The following CELSR1 variants were observed in gnomAD, a reference collection of about 807,000 sequenced individuals.
CELSR1 encodes the protein cadherin EGF LAG seven-pass G-type receptor 1.
Under a neutral mutation model 249.1 loss-of-function variants are expected in CELSR1, and 110 were observed. The ratio of observed to expected loss-of-function variants is 0.44; its 90% CI spans 0.38 to 0.52. The LOEUF (loss-of-function observed/expected upper bound fraction) is 0.52. Among genes scored for constraint, CELSR1 ranks in the 20% least tolerant of loss-of-function variants. CELSR1 has a pLI of 0.00. For synonymous variants in CELSR1, 2,113 were observed against 1,900.0 expected, an observed-to-expected ratio of 1.11 and a Z score of -2.92; for missense variants, 4,109 against 4,296.4, an observed-to-expected ratio of 0.96 and a Z score of 1.22.
chr22:46,426,596 G>A (rs1028382256), intron 5 of CELSR1, among the ~76,000 whole-genome samples: 5 of 152,156 alleles, frequency 3.3e-5, no homozygotes, highest in Non-Finnish European at 5.9e-5. Flanking sequence ...CCTTGGGGGT[G>A]AGGATTTCAA....
chr22:46,501,036 T>C (rs1040972164), intron 1 of CELSR1, among the ~76,000 whole-genome samples: 4 of 151,792 alleles, frequency 2.6e-5, no homozygotes, highest in African/African-American at 7.3e-5. Flanking sequence ...TATTTTATTT[T>C]ATTTCATTTT....
In CELSR1 at chr22:46,428,053, A is replaced by G. The variant is rs142025517; in HGVS notation, c.4611+5340T>C. Among the ~76,000 whole-genome samples, 42 of 152,290 alleles carry G rather than the reference A, an allele frequency of 2.8e-4. No homozygotes were observed. The highest frequency in any genetic ancestry group is 1.6e-3 in the Admixed American group (25 of 15,292). On this transcript the variant is annotated intron_variant, in intron 5 of 34. Coordinates refer to ENST00000674500, the MANE Select transcript of CELSR1 (RefSeq NM_001378328.1). This position sits in a 1 kb window ranked among gnomAD's most constrained non-coding sequence, Gnocchi z 5.7. Reference sequence around the variant, plus strand: ...TGACCTGACAAGCAACAGGTGAGCAATCCCTAATGACAGCAGGACCTAGCG... The same window carrying G: ...TGACCTGACAAGCAACAGGTGAGCAGTCCCTAATGACAGCAGGACCTAGCG...
chr22:46,369,863 G>T, intron 25 of CELSR1, 59 bp from the exon 26 acceptor site: 1 of 1,451,526 alleles, frequency 6.9e-7, no homozygotes, highest in Non-Finnish European at 9.7e-7. Flanking sequence ...GCCACCCCAT[G>T]CCAAGGACCA....
At chr22:46,416,950 G>T (rs996676342) in intron 5 of CELSR1, among the ~76,000 whole-genome samples, 5 of 144,642 alleles carry the variant, frequency 3.5e-5, no homozygotes, top group South Asian at 4.8e-4. Flanking sequence ...TTCAATGCTG[G>T]GGAAGGTAGC....
rs576666432 is a variant in CELSR1, at chr22:46,526,427, G to C, written c.3544+7200C>G. 6.2e-4 allele frequency among the ~76,000 whole-genome samples: 94 copies of C among 152,188 alleles called. No homozygotes were observed. The highest frequency in any genetic ancestry group is 1.1e-3 in the Non-Finnish European group (72 of 68,016). Reference sequence around the variant, plus strand: ...TGCAGGCCTGTCCCCATGACACCCTGCCTTCCCTCTGAGGCTGGGTCCTGT... The same window carrying C: ...TGCAGGCCTGTCCCCATGACACCCTCCCTTCCCTCTGAGGCTGGGTCCTGT... On this transcript the variant is annotated intron_variant, in intron 1 of 34. Coordinates refer to ENST00000674500, the MANE Select transcript of CELSR1 (RefSeq NM_001378328.1). This position sits in a 1 kb window ranked among gnomAD's most constrained non-coding sequence, Gnocchi z 4.7.
Position 46,381,099 on chromosome 22 carries a change from C to G in CELSR1, c.7089-144G>C. ...CTCCGAGAGCTCGGACCCACGGACCCCACAGTATCTTCATCCCTAGAGCAG... is the reference window on the plus strand; with the variant it reads ...CTCCGAGAGCTCGGACCCACGGACCGCACAGTATCTTCATCCCTAGAGCAG... On this transcript the variant is annotated intron_variant, in intron 21 of 34. Transcript: ENST00000674500. The surrounding 1 kb of genome is among the most constrained non-coding windows in gnomAD (Gnocchi z 6.0). 6.2e-6 allele frequency: 5 copies of G among 806,630 alleles called. No homozygotes were observed. The highest frequency in any genetic ancestry group is 9.7e-6 in the Non-Finnish European group (5 of 515,110). The allele number at this position is 806,630 out of a possible 1,614,324, so 50.0% of individuals were successfully genotyped here. A position where few individuals can be genotyped will look rare whatever the true frequency, so the allele number is the denominator to read the frequency against.
rs1216342834 is a variant in CELSR1, at chr22:46,374,357, G to A, written c.7585-1300C>T. ...GTGCCATCCTGGCTGCAGCAGGGTCGTACCTGCTTCCCTAACCAATGTACC... is the reference window on the plus strand; with the variant it reads ...GTGCCATCCTGGCTGCAGCAGGGTCATACCTGCTTCCCTAACCAATGTACC... On this transcript the variant is annotated intron_variant, in intron 24 of 34. Transcript: ENST00000674500. This position sits in a 1 kb window ranked among gnomAD's most constrained non-coding sequence, Gnocchi z 4.3. Among the ~76,000 whole-genome samples the A allele has an allele frequency of 6.6e-6, 1 of 152,208 alleles. No homozygotes were observed. Among genetic ancestry groups the A allele is most frequent in the African/African-American group, 2.4e-5 (1 of 41,454 alleles).
At chr22:46,514,860 C>G (rs1457403385) in intron 1 of CELSR1, among the ~76,000 whole-genome samples, 1 of 152,180 alleles carries the variant, frequency 6.6e-6, no homozygotes, top group East Asian at 1.9e-4. Context: ...CCAGGGATGC[C>G]TGTCCGTACC....
chr22:46,469,982 G>GGAT (rs2080137922), intron 1 of CELSR1, among the ~76,000 whole-genome samples: 2 of 124,408 alleles, frequency 1.6e-5, no homozygotes, highest in South Asian at 2.7e-4. Flanking sequence ...GGAGGGAGGA[G>GGAT]GAGGGGAGGG....
intron 30 of CELSR1, among the ~76,000 whole-genome samples, 195 bp downstream of exon 30, chr22:46,366,191 G>GGGA (rs2078776577): frequency 2.4e-4 from 2 of 8,400 alleles, no homozygotes; most frequent in Non-Finnish European, 4.9e-4. Context: ...GGAAGGTGCA[G>GGGA]GGGAAGGGAA....
chr22:46,483,385 C>CTTTTTTT lies in CELSR1; in HGVS notation c.3545-19047_3545-19041dup, dbSNP rs10647586. ...CTTTATGGAAACATGCTATTCCTGA[C>CTTTTTTT]TTTTTTTTTTTTTTTTTTTTTTTTG... On this transcript the variant is annotated intron_variant, in intron 1 of 34. Coordinates refer to ENST00000674500, the MANE Select transcript of CELSR1 (RefSeq NM_001378328.1). Among the ~76,000 whole-genome samples the CTTTTTTT allele has an allele frequency of 1.6e-4, 13 of 81,214 alleles. 1 individual carries two copies. Among genetic ancestry groups the CTTTTTTT allele is most frequent in the South Asian group, 1.0e-3 (2 of 1,928 alleles). 53.3% of individuals were successfully genotyped at this position (81,214 alleles called of 152,430 possible).
chr22:46,423,464 G>A lies in CELSR1; in HGVS notation c.4611+9929C>T, dbSNP rs2147387248. 6.6e-6 allele frequency among the ~76,000 whole-genome samples: 1 copy of A among 152,116 alleles called. No homozygotes were observed. The highest frequency in any genetic ancestry group is 2.1e-4 in the South Asian group (1 of 4,816). On this transcript the variant is annotated intron_variant, in intron 5 of 34. Coordinates refer to ENST00000674500, the MANE Select transcript of CELSR1 (RefSeq NM_001378328.1). This position sits in a 1 kb window ranked among gnomAD's most constrained non-coding sequence, Gnocchi z 5.6. ...CTACTAAAAATACAAAATTAGCCGG[G>A]CGTGGTGGTGCAGGCCTGTAATCCC...
intron 1 of CELSR1, among the ~76,000 whole-genome samples, chr22:46,466,444 C>T (rs2080097471): frequency 6.6e-6 from 1 of 152,228 alleles, no homozygotes; most frequent in African/African-American, 2.4e-5. Flanking sequence ...AGAGAGGGCA[C>T]ATCGGGAAGA....
At position 46,381,478 on chromosome 22, in the gene CELSR1, G is replaced by A. The variant is rs2078977218; in HGVS notation, c.7088+368C>T. ...ATCCTTTCCAGCCAGGACTAGCTGA[G>A]CAGACCTAACCCCGGGGCCAGCAGC... On this transcript the variant is annotated intron_variant, in intron 21 of 34. Transcript: ENST00000674500. This position sits in a 1 kb window ranked among gnomAD's most constrained non-coding sequence, Gnocchi z 6.0. Among the ~76,000 whole-genome samples, 1 of 152,202 alleles carries A rather than the reference G, an allele frequency of 6.6e-6. No individual in the cohort carries two copies. Among genetic ancestry groups the A allele is most frequent in the Non-Finnish European group, 1.5e-5 (1 of 68,034 alleles).
chr22:46,536,970 C>A lies in CELSR1; in HGVS notation c.201G>T (p.Val67=), dbSNP rs1475276041. 2.0e-5 allele frequency: 23 copies of A among 1,142,858 alleles called. No individual in the cohort carries two copies. Among genetic ancestry groups the A allele is most frequent in the Non-Finnish European group, 2.4e-5 (22 of 933,322 alleles). 70.8% of individuals were successfully genotyped at this position (1,142,858 alleles called of 1,614,324 possible). A position where few individuals can be genotyped will look rare whatever the true frequency, so the allele number is the denominator to read the frequency against. ...GTCCTGCCAGCCGCCCATCGCGGCC[C>A]ACGTCCAGCAGCTCCCGCGGCGCCC... ...TPRAPRELLD[V]GRDGRLAGRR... is the part of the protein sequence containing the mutation. The change falls in exon 1 of 35, where the codon GTG becomes GTT. Residue 67 remains valine, a synonymous_variant. Transcript: ENST00000674500.
chr22:46,375,135 G>A (rs1426165393), intron 24 of CELSR1, among the ~76,000 whole-genome samples: 3 of 152,186 alleles, frequency 2.0e-5, no homozygotes, highest in Non-Finnish European at 4.4e-5. Flanking sequence ...GCTCAGGTCT[G>A]CACGTGGCCC....
chr22:46,376,815 A>AAAAAAAG (rs1555906488), intron 24 of CELSR1, among the ~76,000 whole-genome samples: 1 of 151,674 alleles, frequency 6.6e-6, no homozygotes, highest in Non-Finnish European at 1.5e-5. Flanking sequence ...AAAAAAAAAA[A>AAAAAAAG]AAAGAAAGAA....
Position 46,518,266 on chromosome 22 carries a change from C to T in CELSR1, c.3544+15361G>A, listed in dbSNP as rs1288797596. On this transcript the variant is annotated intron_variant, in intron 1 of 34. Coordinates refer to ENST00000674500, the MANE Select transcript of CELSR1 (RefSeq NM_001378328.1). The surrounding 1 kb of genome is among the most constrained non-coding windows in gnomAD (Gnocchi z 5.2). ...GCACAGCGCGGCCCCTCAGCACAGACGCTGCTATCACAGCAGACCTTACTG... is the reference window on the plus strand; with the variant it reads ...GCACAGCGCGGCCCCTCAGCACAGATGCTGCTATCACAGCAGACCTTACTG... 3.9e-5 allele frequency among the ~76,000 whole-genome samples: 6 copies of T among 152,318 alleles called. 1 individual carries two copies. Among genetic ancestry groups the T allele is most frequent in the African/African-American group, 7.2e-5 (3 of 41,586 alleles).
rs528188872 is a variant in CELSR1 at position 46,517,732 on chromosome 22, T to C, written c.3544+15895A>G. Among the ~76,000 whole-genome samples, 12 of 152,170 alleles carry C rather than the reference T, an allele frequency of 7.9e-5. No individual in the cohort carries two copies. Among genetic ancestry groups the C allele is most frequent in the Non-Finnish European group, 1.3e-4 (9 of 68,034 alleles). ...ATTGGGAGAACTTGCGATTATGTGT[T>C]AGAATTTTCCATGCTTAGAAGCGAG... On this transcript the variant is annotated intron_variant, in intron 1 of 34. Coordinates refer to ENST00000674500, the MANE Select transcript of CELSR1 (RefSeq NM_001378328.1). The surrounding 1 kb of genome is among the most constrained non-coding windows in gnomAD (Gnocchi z 5.4).
Sources: allele counts gnomAD v4.1 joint callset (sites outside exome capture counted in the v4.1 genomes callset), GRCh38; gene constraint gnomAD v4.1.1; non-coding constraint Gnocchi (gnomAD v3.1); transcripts MANE v1.5; gene names NCBI Gene and HGNC (gene_info 2026-07-23, HGNC 2026-07-21).